Variants in PPIL4 observed in about 807,000 individuals in gnomAD.
PPIL4 encodes the protein peptidylprolyl isomerase like 4.
A neutral mutation model predicts 69.1 loss-of-function variants in PPIL4; 50 were observed. That is an observed-to-expected ratio of 0.72 (90% confidence interval 0.58 to 0.92). PPIL4 has a LOEUF of 0.92. Among genes scored for constraint, PPIL4 ranks in the 40% least tolerant of loss-of-function variants. The probability of loss-of-function intolerance (pLI) is 0.00; values close to 1 mark genes in which losing one functional copy is unlikely to be tolerated. For missense variants in PPIL4, 480 were observed against 587.9 expected, an observed-to-expected ratio of 0.82 and a Z score of 1.90; for synonymous variants, 193 against 191.6, an observed-to-expected ratio of 1.01 and a Z score of -0.06.
chr6:149,534,705 T>C lies in PPIL4; in HGVS notation c.534A>G (p.Ser178=). 6.3e-7 allele frequency: 1 copy of C among 1,588,196 alleles called. No individual in the cohort carries two copies. The highest frequency in any genetic ancestry group is 8.6e-7 in the Non-Finnish European group (1 of 1,160,170). ...DPPDLLIPDR[S]PEPTREQLDS... is the part of the protein sequence containing the mutation. ...CTAATTGTTCCCTTGTAGGTTCTGG[T>C]GATCGATCAGGGATTAATAAATCAG... Residue 178 remains serine (S), a synonymous_variant, in exon 6 of 13, where the codon TCA becomes TCG. Transcript: ENST00000253329.
At position 149,525,155 on chromosome 6, in the gene PPIL4, A is replaced by C. The variant is rs761300511; in HGVS notation, c.858T>G (p.Ile286Met). The change falls in exon 9 of 13, where the codon ATT (isoleucine) becomes ATG (methionine). Residue 286 changes from isoleucine to methionine, a missense_variant. Coordinates refer to ENST00000253329, the MANE Select transcript of PPIL4 (RefSeq NM_139126.4). ...TATTATGACATACCTTTTCAAATTC[A>C]ATAAAAGCGTAACAGAGGGACTCTC... ...KTGESLCYAF[I>M]EFEKEEDCEK... The C allele has an allele frequency of 3.9e-6, 6 of 1,545,382 alleles. No individual in the cohort carries two copies. The highest frequency in any genetic ancestry group is 5.3e-6 in the Non-Finnish European group (6 of 1,127,492).
intron 11 of PPIL4, 122 bp downstream of exon 11, chr6:149,517,232 C>A: frequency 1.6e-6 from 1 of 632,254 alleles, no homozygotes; most frequent in South Asian, 2.0e-5. Context: ...TCCTCACAAA[C>A]AATCTGGATT....
chr6:149,539,966 C>A (rs565200961), intron 4 of PPIL4, among the ~76,000 whole-genome samples: 17 of 152,000 alleles, frequency 1.1e-4, no homozygotes, highest in African/African-American at 2.4e-4. Context: ...CCTGTCTCTA[C>A]GAAAAATACA....
chr6:149,535,446 AT>A (rs1165139024), intron 5 of PPIL4, 149 bp downstream of exon 5: 1 of 428,142 alleles, frequency 2.3e-6, no homozygotes, highest in Non-Finnish European at 4.1e-6. Context: ...TATTATAAAG[AT>A]TCTTACAGTC....
intron 10 of PPIL4, among the ~76,000 whole-genome samples, chr6:149,518,804 G>A (rs983372706): frequency 1.1e-4 from 17 of 152,162 alleles, no homozygotes; most frequent in African/African-American, 3.4e-4. Flanking sequence ...ACTGTAGTGG[G>A]AGGTCCTAGG....
chr6:149,544,306 C>G (rs1174790937), intron 1 of PPIL4, among the ~76,000 whole-genome samples: 1 of 152,190 alleles, frequency 6.6e-6, no homozygotes, highest in African/African-American at 2.4e-5. Context: ...ATGAGGCAAC[C>G]AATTATTTTG....
intron 1 of PPIL4, among the ~76,000 whole-genome samples, chr6:149,541,945 TG>T (rs1485636978): frequency 6.6e-6 from 1 of 151,726 alleles, no homozygotes; most frequent in Non-Finnish European, 1.5e-5. Flanking sequence ...ACCCAGGAGG[TG>T]GAGGTTGCAG....
At chr6:149,525,329 G>T in intron 8 of PPIL4, 120 bp from the exon 9 acceptor site, 1 of 538,908 alleles carries the variant, frequency 1.9e-6, no homozygotes, top group Non-Finnish European at 3.4e-6. Flanking sequence ...TAAATTCATA[G>T]ATTATTTTTC....
intron 12 of PPIL4, among the ~76,000 whole-genome samples, chr6:149,510,284 T>C (rs1243501886): frequency 6.6e-6 from 1 of 151,694 alleles, no homozygotes; most frequent in Non-Finnish European, 1.5e-5. Context: ...ATAAAACACA[T>C]AAAATAGTTA....
At chr6:149,533,833 C>T (rs1445815685) in intron 6 of PPIL4, among the ~76,000 whole-genome samples, 1 of 152,032 alleles carries the variant, frequency 6.6e-6, no homozygotes, top group African/African-American at 2.4e-5. Context: ...TATATTAATT[C>T]TAAAATATTA....
chr6:149,529,789 AAAAG>A (rs1777165942), intron 7 of PPIL4, among the ~76,000 whole-genome samples: 1 of 151,622 alleles, frequency 6.6e-6, no homozygotes, highest in African/African-American at 2.4e-5. Flanking sequence ...GGAGGGAAAG[AAAAG>A]AAAGAAAAAG....
At chr6:149,524,592 C>T (rs1282746165) in intron 9 of PPIL4, among the ~76,000 whole-genome samples, 2 of 152,158 alleles carry the variant, frequency 1.3e-5, no homozygotes, top group Non-Finnish European at 1.5e-5. Flanking sequence ...AAGGGCTTTA[C>T]TTAGAACTTA....
At chr6:149,510,766 C>T (rs9791197) in intron 12 of PPIL4, among the ~76,000 whole-genome samples, 42,983 of 151,894 alleles carry the variant, frequency 0.28, 7,716 homozygotes, top group Non-Finnish European at 0.41. Flanking sequence ...AAAAGAAACA[C>T]TTTAACTGAA....
At chr6:149,514,765 AGTGTGTGT>A (rs36117544) in intron 11 of PPIL4, among the ~76,000 whole-genome samples, 4 of 149,360 alleles carry the variant, frequency 2.7e-5, no homozygotes, top group African/African-American at 9.8e-5. Context: ...TTTTGGTTCA[AGTGTGTGT>A]GTGTGTGTGT....
chr6:149,541,136 T>C, intron 3 of PPIL4, 77 bp from the exon 4 acceptor site: 2 of 730,668 alleles, frequency 2.7e-6, no homozygotes, highest in South Asian at 5.3e-5. Context: ...TACAGGGTTA[T>C]CAATTATTTC....
chr6:149,544,410 T>C (rs2115042623), intron 1 of PPIL4, among the ~76,000 whole-genome samples: 1 of 152,324 alleles, frequency 6.6e-6, no homozygotes, highest in Admixed American at 6.5e-5. Flanking sequence ...AATGAACCTC[T>C]AGTGTGTGCC....
chr6:149,517,265 T>C (rs1033418775), intron 11 of PPIL4, 89 bp downstream of exon 11: 48 of 734,712 alleles, frequency 6.5e-5, no homozygotes, highest in Admixed American at 1.2e-4. Context: ...CTTCTATAGC[T>C]TTTGTGACTT....
At position 149,504,561 on chromosome 6, in the gene PPIL4, C is replaced by T. The variant is rs983236727; in HGVS notation, c.*892G>A. ...TTAAAAGCAGCCAGGAAAAAAATGA[C>T]ATCTTACACATGGAAGAGCAGAGAT... On this transcript the variant is annotated 3_prime_UTR_variant, in exon 13 of 13. Transcript: ENST00000253329. Among the ~76,000 whole-genome samples the T allele has an allele frequency of 1.3e-5, 2 of 152,142 alleles. No homozygotes were observed. The highest frequency in any genetic ancestry group is 4.8e-5 in the African/African-American group (2 of 41,434).
At chr6:149,513,948 G>C (rs539590089) in intron 11 of PPIL4, among the ~76,000 whole-genome samples, 2 of 152,316 alleles carry the variant, frequency 1.3e-5, no homozygotes, top group African/African-American at 4.8e-5. Flanking sequence ...TCCAGAGAAA[G>C]GTTATGAGGA....
Sources: allele counts gnomAD v4.1 joint callset (sites outside exome capture counted in the v4.1 genomes callset), GRCh38; gene constraint gnomAD v4.1.1; transcripts MANE v1.5; gene names NCBI Gene and HGNC (gene_info 2026-07-23, HGNC 2026-07-21).